NELL1: variants seen among roughly 807,000 people sequenced by gnomAD.
The protein encoded by NELL1 is protein kinase C-binding protein NELL1.
A neutral mutation model predicts 107.4 loss-of-function variants in NELL1; 76 were observed. That is an observed-to-expected ratio of 0.71 (90% CI 0.59 to 0.86). NELL1 has a LOEUF of 0.86. Among genes scored for constraint, NELL1 ranks in the 40% least tolerant of loss-of-function variants. The pLI is 0.00. For synonymous variants in NELL1, 353 were observed against 341.2 expected, an observed-to-expected ratio of 1.03 and a Z score of -0.38; for missense variants, 1,024 against 1,005.5, an observed-to-expected ratio of 1.02 and a Z score of -0.25.
intron 2 of NELL1, among the ~76,000 whole-genome samples, chr11:20,757,103 G>A (rs1356737): frequency 0.86 from 130,497 of 151,786 alleles, 56,077 homozygotes; most frequent in Middle Eastern, 0.94. Context: ...TTTTTTCTCT[G>A]TAACTCCTTT....
intron 3 of NELL1, among the ~76,000 whole-genome samples, chr11:20,787,581 G>A (rs1322974209): frequency 2.6e-5 from 4 of 152,166 alleles, no homozygotes; most frequent in Admixed American, 6.5e-5. Context: ...CAGGTATGTG[G>A]TAGATAGATT....
chr11:20,817,674 G>A (rs2134020593), intron 3 of NELL1, among the ~76,000 whole-genome samples: 1 of 151,196 alleles, frequency 6.6e-6, no homozygotes, highest in Non-Finnish European at 1.5e-5. Flanking sequence ...ATTTTCTTCT[G>A]CTTGCTTTGG....
chr11:21,238,904 G>A (rs1431852942), intron 14 of NELL1, among the ~76,000 whole-genome samples: 1 of 152,072 alleles, frequency 6.6e-6, no homozygotes, highest in African/African-American at 2.4e-5. Context: ...TTCTTCACCT[G>A]TGAAAGGTGA....
intron 13 of NELL1, among the ~76,000 whole-genome samples, chr11:21,135,748 A>T (rs1855731450): frequency 6.6e-6 from 1 of 152,328 alleles, no homozygotes; most frequent in South Asian, 2.1e-4. Flanking sequence ...TACCTACAAC[A>T]TAGTAGTTGC....
chr11:21,095,982 G>A (rs756438618), intron 12 of NELL1, among the ~76,000 whole-genome samples: 5 of 152,080 alleles, frequency 3.3e-5, no homozygotes, highest in Non-Finnish European at 5.9e-5. Flanking sequence ...AAAACCATCA[G>A]ATCTCATAAG....
rs1460097468 is a variant in NELL1 at position 21,042,887 on chromosome 11, T to A, written c.1301-70702T>A. ...TGATACAGAATATGCTTTGTGAGAT[T>A]TCATTTCATTTGAAATGCCTATTTT... On this transcript the variant is annotated intron_variant, in intron 12 of 19. Transcript: ENST00000357134. 2.0e-5 allele frequency among the ~76,000 whole-genome samples: 3 copies of A among 152,184 alleles called. No individual in the cohort carries two copies. In the East Asian group the frequency reaches 5.8e-4, roughly 29 times the overall value.
intron 15 of NELL1, among the ~76,000 whole-genome samples, chr11:21,406,185 C>G (rs1293541925): frequency 6.6e-6 from 1 of 151,932 alleles, no homozygotes; most frequent in East Asian, 1.9e-4. Context: ...TTGTTTAGTT[C>G]CTAGGCAGAT....
At chr11:21,341,263 T>G (rs1850558569) in intron 14 of NELL1, among the ~76,000 whole-genome samples, 1 of 151,902 alleles carries the variant, frequency 6.6e-6, no homozygotes, top group Admixed American at 6.6e-5. Context: ...TGTGATAGAG[T>G]TCAGGAAAGG....
intron 13 of NELL1, among the ~76,000 whole-genome samples, chr11:21,201,926 C>T (rs1041472543): frequency 5.9e-5 from 9 of 152,118 alleles, no homozygotes; most frequent in African/African-American, 1.7e-4. Flanking sequence ...TGATGGATTA[C>T]GTTTATTGAT....
At chr11:20,952,293 A>G (rs1407586617) in intron 11 of NELL1, among the ~76,000 whole-genome samples, 3 of 152,052 alleles carry the variant, frequency 2.0e-5, no homozygotes, top group South Asian at 2.1e-4. Context: ...AAATGCGTTT[A>G]TCTGTAATTT....
chr11:21,148,838 C>A (rs1213646164), intron 13 of NELL1, among the ~76,000 whole-genome samples: 2 of 152,108 alleles, frequency 1.3e-5, no homozygotes, highest in Admixed American at 6.6e-5. Flanking sequence ...ATGATAGGCC[C>A]AGTGATAACA....
rs112488149 is a variant in NELL1 at position 21,557,586 on chromosome 11, C to G, written c.1787-2603C>G. Among the ~76,000 whole-genome samples the G allele has an allele frequency of 4.7e-3, 716 of 152,082 alleles. 4 individuals carry two copies. Among genetic ancestry groups the G allele is most frequent in the African/African-American group, 0.017 (687 of 41,558 alleles). ...TTAATGCTTCCTCTGCCCTTGTTCT[C>G]AAGCATTTGACAGAAAATAAAAGTT... On this transcript the variant is annotated intron_variant, in intron 16 of 19. Transcript: ENST00000357134.
At chr11:21,227,553 C>T (rs1857926475) in intron 13 of NELL1, among the ~76,000 whole-genome samples, 2 of 152,092 alleles carry the variant, frequency 1.3e-5, no homozygotes, top group South Asian at 4.1e-4. Context: ...AAGTCTGAAT[C>T]CTTAGACTTT....
intron 14 of NELL1, among the ~76,000 whole-genome samples, chr11:21,285,112 T>C (rs1670645): frequency 0.91 from 138,003 of 152,196 alleles, 62,904 homozygotes; most frequent in Non-Finnish European, 0.95. Context: ...TGGGGGCCTG[T>C]GTGAACCAAA....
intron 15 of NELL1, among the ~76,000 whole-genome samples, chr11:21,436,080 C>T (rs112721423): frequency 0.056 from 8,482 of 151,930 alleles, 615 homozygotes; most frequent in African/African-American, 0.17. Context: ...TATTTAGACA[C>T]GGAGTCTCAC....
intron 14 of NELL1, among the ~76,000 whole-genome samples, chr11:21,324,206 A>G (rs771307385): frequency 9.2e-5 from 14 of 152,130 alleles, no homozygotes; most frequent in Non-Finnish European, 1.9e-4. Context: ...TGAGGATTCC[A>G]GACTTAAAAG....
At chr11:20,724,641 C>T (rs1160159254) in intron 2 of NELL1, among the ~76,000 whole-genome samples, 3 of 152,176 alleles carry the variant, frequency 2.0e-5, no homozygotes. Flanking sequence ...TCATTATCAG[C>T]ATTTGGTCAA....
chr11:21,330,728 T>A (rs897100850), intron 14 of NELL1, among the ~76,000 whole-genome samples: 19 of 152,156 alleles, frequency 1.2e-4, no homozygotes, highest in African/African-American at 4.6e-4. Context: ...TTACTTGGAA[T>A]TTTTTTGAGC....
chr11:20,989,948 G>A (rs1373824970), intron 12 of NELL1, among the ~76,000 whole-genome samples: 4 of 149,422 alleles, frequency 2.7e-5, no homozygotes, highest in African/African-American at 9.9e-5. Flanking sequence ...AGTGAGCCGA[G>A]ATCGCGCCAC....
Sources: allele counts gnomAD v4.1 joint callset (sites outside exome capture counted in the v4.1 genomes callset), GRCh38; gene constraint gnomAD v4.1.1; transcripts MANE v1.5; gene names NCBI Gene and HGNC (gene_info 2026-07-23, HGNC 2026-07-21).